RNF130: variants seen among roughly 807,000 people sequenced by gnomAD.
RNF130 encodes the protein E3 ubiquitin-protein ligase RNF130.
Under a neutral mutation model 44.6 loss-of-function variants are expected in RNF130, and 21 were observed. That is an observed-to-expected ratio of 0.47 (90% CI 0.33 to 0.68). RNF130 has a LOEUF of 0.68. Among genes scored for constraint, RNF130 ranks in the 30% least tolerant of loss-of-function variants. The pLI is 0.02. For synonymous variants in RNF130, 214 were observed against 210.4 expected, an observed-to-expected ratio of 1.02 and a Z score of -0.15; for missense variants, 479 against 560.6, an observed-to-expected ratio of 0.85 and a Z score of 1.47.
At chr5:179,984,333 A>G (rs1306365998) in intron 3 of RNF130, among the ~76,000 whole-genome samples, 1 of 152,210 alleles carries the variant, frequency 6.6e-6, no homozygotes, top group East Asian at 1.9e-4. Context: ...AGAAGTGATC[A>G]GAGGACACAT....
Position 179,963,498 on chromosome 5 carries a change from C to T in RNF130, c.1217G>A (p.Arg406Lys). Residue 406 changes from arginine (R) to lysine (K), a missense_variant, in exon 8 of 9, where the codon AGA (arginine) becomes AAA (lysine). By Grantham distance (26) the Arg-to-Lys change is conservative. Coordinates refer to ENST00000521389, the MANE Select transcript of RNF130 (RefSeq NM_018434.6). ...ATTAGCATTCAAGCTAGCTGTGGCT[C>T]TGATGATCATGTAGCAGAGTGTGAG... is the stretch of plus-strand genomic sequence containing the variant. ...SALTLCYMII[R>K]ATASLNANEV... 1 of 1,614,002 alleles carries T rather than the reference C, an allele frequency of 6.2e-7. No individual in the cohort carries two copies. The highest frequency in any genetic ancestry group is 8.5e-7 in the Non-Finnish European group (1 of 1,179,892).
chr5:179,974,370 A>T (rs1457745859), intron 5 of RNF130, among the ~76,000 whole-genome samples: 1 of 152,246 alleles, frequency 6.6e-6, no homozygotes, highest in African/African-American at 2.4e-5. Flanking sequence ...AGACCAGGTG[A>T]CAGTTCCTCG....
chr5:180,060,364 A>T (rs1195354773), intron 1 of RNF130, among the ~76,000 whole-genome samples: 2 of 152,246 alleles, frequency 1.3e-5, no homozygotes, highest in African/African-American at 4.8e-5. Flanking sequence ...GGCCTAGCCA[A>T]TCAGGAACAA....
chr5:180,070,094 T>C (rs1765209796), intron 1 of RNF130, among the ~76,000 whole-genome samples: 1 of 152,144 alleles, frequency 6.6e-6, no homozygotes, highest in South Asian at 2.1e-4. Context: ...TTTCTACCCT[T>C]CCACGTGACC....
intron 2 of RNF130, among the ~76,000 whole-genome samples, chr5:180,024,499 A>C (rs1179337531): frequency 6.6e-6 from 1 of 152,204 alleles, no homozygotes; most frequent in Non-Finnish European, 1.5e-5. Context: ...TCTCATCAGA[A>C]AAAAACGTAA....
rs1323020851 is a variant in RNF130, at chr5:179,955,339, G to C, written c.*315C>G. 1 of 286,728 alleles carries C rather than the reference G, an allele frequency of 3.5e-6. No homozygotes were observed. The highest frequency in any genetic ancestry group is 2.2e-5 in the African/African-American group (1 of 46,124). The allele number at this position is 286,728 out of a possible 1,614,324, so 17.8% of individuals were successfully genotyped here. On this transcript the variant is annotated 3_prime_UTR_variant, in exon 9 of 9. Transcript: ENST00000521389. ...AGGAGCCAATGTGAAGACACCAATAGTAAGTGTCAATCCCTGTTCCTCTCA... is the reference window on the plus strand; with the variant it reads ...AGGAGCCAATGTGAAGACACCAATACTAAGTGTCAATCCCTGTTCCTCTCA...
chr5:179,928,795 A>AT (rs1178868694), intron 7 of RNF130, among the ~76,000 whole-genome samples: 8 of 151,512 alleles, frequency 5.3e-5, no homozygotes, highest in East Asian at 1.9e-4. Flanking sequence ...CGCCTGGCTA[A>AT]TTTTTTGTAT....
chr5:179,980,437 G>A (rs1762806257), intron 3 of RNF130: 1 of 441,230 alleles, frequency 2.3e-6, no homozygotes. Context: ...AGAACTATAG[G>A]TCTTCAATTC....
intron 1 of RNF130, among the ~76,000 whole-genome samples, chr5:180,055,263 A>C (rs1178122571): frequency 1.1e-3 from 31 of 27,632 alleles, no homozygotes; most frequent in African/African-American, 2.4e-3. Flanking sequence ...AAAAAAAAAA[A>C]AAAAAAAAAA....
At chr5:179,932,110 C>G (rs943906178) in intron 7 of RNF130, among the ~76,000 whole-genome samples, 3 of 151,984 alleles carry the variant, frequency 2.0e-5, no homozygotes, top group East Asian at 3.9e-4. Context: ...ATTTAGCTCC[C>G]CTTTTGTACC....
chr5:179,967,737 G>T (rs1370709546), intron 6 of RNF130, among the ~76,000 whole-genome samples: 1 of 152,220 alleles, frequency 6.6e-6, no homozygotes, highest in Non-Finnish European at 1.5e-5. Flanking sequence ...AGGGGTGGTT[G>T]TGAGAAGTTT....
intron 3 of RNF130, among the ~76,000 whole-genome samples, chr5:180,007,155 C>T (rs1317380649): frequency 6.6e-6 from 1 of 152,140 alleles, no homozygotes; most frequent in Non-Finnish European, 1.5e-5. Flanking sequence ...CATTCCAGCA[C>T]TTTGGGAGGC....
At chr5:180,035,788 T>C (rs1347570407) in intron 2 of RNF130, among the ~76,000 whole-genome samples, 5 of 152,220 alleles carry the variant, frequency 3.3e-5, no homozygotes, top group African/African-American at 1.2e-4. Context: ...GTTGAAGGCC[T>C]CTAGTGAATT....
intron 1 of RNF130, among the ~76,000 whole-genome samples, chr5:180,051,194 T>C (rs550413537): frequency 3.9e-5 from 6 of 152,058 alleles, no homozygotes; most frequent in Non-Finnish European, 7.4e-5. Context: ...AATAAAAAGG[T>C]GATACATTCT....
chr5:180,007,766 C>T (rs957658446), intron 3 of RNF130, among the ~76,000 whole-genome samples: 6 of 152,080 alleles, frequency 3.9e-5, no homozygotes, highest in South Asian at 2.1e-4. Flanking sequence ...TATGTTTCCT[C>T]CTTCATCAGC....
At chr5:179,923,955 G>A (rs1314668662) in intron 7 of RNF130, among the ~76,000 whole-genome samples, 1 of 152,164 alleles carries the variant, frequency 6.6e-6, no homozygotes, top group African/African-American at 2.4e-5. Context: ...CTCAACAGAC[G>A]AGTATTAAAT....
intron 7 of RNF130, among the ~76,000 whole-genome samples, chr5:179,922,458 G>A (rs543501075): frequency 1.3e-5 from 2 of 152,062 alleles, no homozygotes; most frequent in South Asian, 2.1e-4. Context: ...GATTACAGGC[G>A]TGGGCCACAA....
chr5:180,013,244 C>G lies in RNF130; in HGVS notation c.510G>C (p.Glu170Asp). ...LRGKDILSYL[E>D]KNISVQMTIA... ...TTGTCATTTGTACAGAGATGTTTTT[C>G]TCCAGATAACTCAAAATATCCTTAC... The change falls in exon 3 of 9, where the codon GAG (glutamate) becomes GAC (aspartate). Residue 170 changes from glutamate to aspartate, a missense_variant. This residue lies in a region of RNF130 where 180 missense variants were observed against 275.1 expected (regional missense o/e 0.65). Transcript: ENST00000521389. The G allele has an allele frequency of 1.9e-6, 3 of 1,614,180 alleles. No homozygotes were observed. The highest frequency in any genetic ancestry group is 2.5e-6 in the Non-Finnish European group (3 of 1,180,014).
chr5:179,978,000 C>T lies in RNF130; in HGVS notation c.848+203G>A, dbSNP rs890316652. Among the ~76,000 whole-genome samples, 6 of 152,246 alleles carry T rather than the reference C, an allele frequency of 3.9e-5. No homozygotes were observed. The highest frequency in any genetic ancestry group is 1.3e-4 in the Admixed American group (2 of 15,280). ...GCCACATCGCATATTGGCTACACCT[C>T]GGAAGGCCGTGCAGCCCGCACCTGC... On this transcript the variant is annotated intron_variant, in intron 5 of 8. Transcript: ENST00000521389. This position sits in a 1 kb window ranked among gnomAD's most constrained non-coding sequence, Gnocchi z 4.1.
Sources: gnomAD v4.1 joint callset for allele counts (sites outside exome capture counted in the v4.1 genomes callset) on GRCh38, gnomAD v4.1.1 for gene constraint, gnomAD v4.1.1 regional missense constraint, Gnocchi (gnomAD v3.1) non-coding constraint, MANE v1.5 for transcripts, NCBI Gene and HGNC (gene_info 2026-07-23, HGNC 2026-07-21) for gene names.